Variants in PDE1A observed in about 807,000 individuals in gnomAD.
The protein encoded by PDE1A is dual specificity calcium/calmodulin-dependent 3',5'-cyclic nucleotide phosphodiesterase 1A.
PDE1A carries 35 observed loss-of-function variants against 61.7 expected under a neutral mutation model. That is an observed-to-expected ratio of 0.57 (90% CI 0.43 to 0.75). The LOEUF is 0.75. Among genes scored for constraint, PDE1A ranks in the 30% least tolerant of loss-of-function variants. PDE1A has a pLI of 0.00. For missense variants in PDE1A, 597 were observed against 630.6 expected, an observed-to-expected ratio of 0.95 and a Z score of 0.57; for synonymous variants, 232 against 213.2, an observed-to-expected ratio of 1.09 and a Z score of -0.77.
the PDE1A span, among the ~76,000 whole-genome samples, chr2:182,582,748 T>G: frequency 6.6e-6 from 1 of 152,174 alleles, no homozygotes; most frequent in African/African-American, 2.4e-5. Flanking sequence ...GACCCAGTTA[T>G]AAGAAACTTA....
At chr2:182,358,780 C>T (rs375319588) in intron 1 of PDE1A, among the ~76,000 whole-genome samples, 2 of 152,066 alleles carry the variant, frequency 1.3e-5, no homozygotes, top group Admixed American at 6.6e-5. Context: ...TTATTATCCC[C>T]GTGTTACAGA....
intron 1 of PDE1A, among the ~76,000 whole-genome samples, chr2:182,286,579 T>C (rs1694180363): frequency 6.6e-6 from 1 of 152,158 alleles, no homozygotes; most frequent in Non-Finnish European, 1.5e-5. Flanking sequence ...CTAAGCTCTT[T>C]CCATCACATG....
intron 2 of PDE1A, among the ~76,000 whole-genome samples, chr2:182,444,964 C>T (rs1246617442): frequency 6.6e-6 from 1 of 152,054 alleles, no homozygotes; most frequent in Non-Finnish European, 1.5e-5. Flanking sequence ...TTAAACTTGG[C>T]ATACTTTGGA....
At chr2:182,453,821 G>A (rs889519838) in intron 2 of PDE1A, among the ~76,000 whole-genome samples, 1 of 152,024 alleles carries the variant, frequency 6.6e-6, no homozygotes, top group Non-Finnish European at 1.5e-5. Flanking sequence ...ATACTGAATG[G>A]GCAAAAACTG....
chr2:182,558,237 T>C, the PDE1A span, among the ~76,000 whole-genome samples: 1 of 152,036 alleles, frequency 6.6e-6, no homozygotes, highest in African/African-American at 2.4e-5. Context: ...CAACTCTTTT[T>C]TTTTTAATAA....
the PDE1A span, among the ~76,000 whole-genome samples, chr2:182,690,308 C>T: frequency 7.2e-5 from 11 of 152,144 alleles, no homozygotes; most frequent in African/African-American, 9.6e-5. Flanking sequence ...GAATCCAGCA[C>T]GACATCAAAA....
At chr2:182,552,439 GTTTTTTT>G in the PDE1A span, among the ~76,000 whole-genome samples, 85 of 122,888 alleles carry the variant, frequency 6.9e-4, no homozygotes, top group African/African-American at 2.1e-3. Flanking sequence ...GCTACACAAA[GTTTTTTT>G]TTTTTTTTTT....
At chr2:182,540,366 GAAAAAAAAAA>G in the PDE1A span, among the ~76,000 whole-genome samples, 1 of 108,408 alleles carries the variant, frequency 9.2e-6, no homozygotes, top group Non-Finnish European at 1.7e-5. Context: ...CTGTCTCAAA[GAAAAAAAAAA>G]AAAAAAAAAG....
At chr2:182,301,085 G>C (rs1266997043) in intron 1 of PDE1A, among the ~76,000 whole-genome samples, 1 of 152,056 alleles carries the variant, frequency 6.6e-6, no homozygotes, top group East Asian at 1.9e-4. Context: ...CCAAGGACTT[G>C]GAAAATGGGA....
chr2:182,693,589 T>C, the PDE1A span, among the ~76,000 whole-genome samples: 1 of 152,024 alleles, frequency 6.6e-6, no homozygotes, highest in African/African-American at 2.4e-5. Flanking sequence ...GTTTTTCAAG[T>C]ATTTTTTTCT....
At chr2:182,422,406 T>A (rs896737805) in intron 1 of PDE1A, among the ~76,000 whole-genome samples, 1 of 152,132 alleles carries the variant, frequency 6.6e-6, no homozygotes, top group Admixed American at 6.6e-5. Flanking sequence ...TAGAATTTGA[T>A]AAAACAAAAT....
At chr2:182,389,862 C>G (rs1425124114) in intron 1 of PDE1A, among the ~76,000 whole-genome samples, 1 of 152,122 alleles carries the variant, frequency 6.6e-6, no homozygotes, top group African/African-American at 2.4e-5. Flanking sequence ...AGTTTTCCAG[C>G]CTTTATCTTT....
At chr2:182,215,840 A>G (rs1344760400) in intron 7 of PDE1A, among the ~76,000 whole-genome samples, 2 of 82,994 alleles carry the variant, frequency 2.4e-5, no homozygotes, top group South Asian at 8.7e-4. Flanking sequence ...CAGAGGTACA[A>G]GGAGGAACTG....
the PDE1A span, among the ~76,000 whole-genome samples, chr2:182,595,418 T>C: frequency 6.6e-6 from 1 of 152,206 alleles, no homozygotes; most frequent in Non-Finnish European, 1.5e-5. Context: ...AAATAAATTT[T>C]AACCCTAGCA....
At chr2:182,595,427 C>A in the PDE1A span, among the ~76,000 whole-genome samples, 1 of 152,132 alleles carries the variant, frequency 6.6e-6, no homozygotes, top group Non-Finnish European at 1.5e-5. Flanking sequence ...TTAACCCTAG[C>A]AAACTGAGAA....
the PDE1A span, among the ~76,000 whole-genome samples, chr2:182,555,619 T>A: frequency 1.3e-5 from 2 of 152,122 alleles, no homozygotes; most frequent in Non-Finnish European, 2.9e-5. Context: ...TCAGAAAATG[T>A]TTGAAATGTC....
In PDE1A at chr2:182,372,390, C is replaced by A. The variant is rs144820261; in HGVS notation, c.53+54188G>T. ...TGATAAATAAAATGATAATTGTGAT[C>A]ATTTTATCTATATTTAAGTGGGAAT... On this transcript the variant is annotated intron_variant, in intron 1 of 13. Transcript: ENST00000351439. Among the ~76,000 whole-genome samples, 491 of 152,116 alleles carry A rather than the reference C, an allele frequency of 3.2e-3. 2 individuals carry two copies. Among genetic ancestry groups the A allele is most frequent in the African/African-American group, 0.011 (456 of 41,480 alleles).
the PDE1A span, among the ~76,000 whole-genome samples, chr2:182,628,054 G>GTGCACACA: frequency 6.6e-6 from 1 of 150,658 alleles, no homozygotes; most frequent in African/African-American, 2.4e-5. Flanking sequence ...GTGTATGTGT[G>GTGCACACA]CACACACACA....
At chr2:182,362,929 C>T (rs1396679391) in intron 1 of PDE1A, among the ~76,000 whole-genome samples, 1 of 151,848 alleles carries the variant, frequency 6.6e-6, no homozygotes, top group Non-Finnish European at 1.5e-5. Flanking sequence ...CATGGATGGG[C>T]CTGGAGACCA....
Sources: allele counts gnomAD v4.1 joint callset (sites outside exome capture counted in the v4.1 genomes callset), GRCh38; gene constraint gnomAD v4.1.1; transcripts MANE v1.5; gene names NCBI Gene and HGNC (gene_info 2026-07-23, HGNC 2026-07-21).